Variants in SYT14 observed in about 807,000 individuals in gnomAD.
SYT14 encodes the protein synaptotagmin 14.
Under a neutral mutation model 74.2 loss-of-function variants are expected in SYT14, and 32 were observed. The ratio of observed to expected loss-of-function variants is 0.43; its 90% CI spans 0.33 to 0.58. SYT14 has a LOEUF of 0.58. Ranked by LOEUF, SYT14 falls within the 20% of genes least tolerant of loss-of-function variation. The probability of loss-of-function intolerance (pLI) is 0.05; values close to 1 mark genes in which losing one functional copy is unlikely to be tolerated. For missense variants in SYT14, 791 were observed against 981.8 expected (o/e 0.81, Z 2.60); for synonymous variants, 298 against 337.7 (o/e 0.88, Z 1.29).
rs917709487 is a variant in SYT14 at position 210,086,860 on chromosome 1, TTA to T, written c.1313-7461_1313-7460del. ...CCAATCCAACACCACAGAATTTGTT[TTA>T]GTTTTTTCTTTTTTCATATTTGTAA... On this transcript the variant is annotated intron_variant, in intron 5 of 9. Coordinates refer to ENST00000637265, the Ensembl canonical transcript of SYT14. 6.8e-4 allele frequency among the ~76,000 whole-genome samples: 103 copies of T among 152,344 alleles called. 1 individual carries two copies. The highest frequency in any genetic ancestry group is 2.5e-3 in the African/African-American group (102 of 41,576).
chr1:210,024,356 TAAAG>T lies in SYT14; in HGVS notation c.1312+3103_1312+3106del, dbSNP rs2080365650. Reference sequence around the variant, plus strand: ...TGAATTACAGTAGTGGCAATAGAAATAAAGGAAGATAGGAGAGAGATTATTGAGG... The same window carrying T: ...TGAATTACAGTAGTGGCAATAGAAATGAAGATAGGAGAGAGATTATTGAGG... On this transcript the variant is annotated intron_variant, in intron 5 of 9. Transcript: ENST00000637265. 2.6e-5 allele frequency among the ~76,000 whole-genome samples: 4 copies of T among 152,102 alleles called. 1 individual carries two copies. The highest frequency in any genetic ancestry group is 2.0e-4 in the Admixed American group (3 of 15,266).
intron 2 of SYT14, among the ~76,000 whole-genome samples, chr1:209,959,217 A>T (rs575815694): frequency 6.6e-6 from 1 of 152,180 alleles, no homozygotes; most frequent in East Asian, 1.9e-4. Context: ...ATCTCAGCTC[A>T]CTACAACCTC....
intron 7 of SYT14, among the ~76,000 whole-genome samples, chr1:210,110,599 A>G (rs780294892): frequency 1.1e-4 from 17 of 152,224 alleles, no homozygotes; most frequent in Non-Finnish European, 2.4e-4. Flanking sequence ...TTAAAGTTCT[A>G]GAAGAGTTTA....
chr1:209,945,926 C>A (rs1172311471), intron 1 of SYT14, among the ~76,000 whole-genome samples: 1 of 152,136 alleles, frequency 6.6e-6, no homozygotes, highest in African/African-American at 2.4e-5. Flanking sequence ...ATTTTTTCAA[C>A]AGCATGTGCT....
At chr1:210,035,803 T>A (rs899233000) in intron 5 of SYT14, among the ~76,000 whole-genome samples, 1 of 151,914 alleles carries the variant, frequency 6.6e-6, no homozygotes, top group Admixed American at 6.6e-5. Flanking sequence ...GTTTTGGTTA[T>A]TATAGCCTTA....
chr1:210,099,445 T>C (rs1334569), intron 6 of SYT14, among the ~76,000 whole-genome samples: 88,991 of 152,052 alleles, frequency 0.59, 26,557 homozygotes, highest in African/African-American at 0.68. Flanking sequence ...AAGTAAATAT[T>C]TGACCGCTAA....
chr1:210,045,151 C>G (rs937593368), intron 5 of SYT14, among the ~76,000 whole-genome samples: 3 of 152,104 alleles, frequency 2.0e-5, no homozygotes, highest in Admixed American at 6.6e-5. Context: ...TCATTTCATT[C>G]GGTGCTATAC....
rs762088012 is a variant in SYT14, at chr1:210,021,272, AT to A, written c.1312+26del. Reference sequence around the variant, plus strand: ...AGATGAAGGTAAGATGGGCTGTTTTATTTTTTTTACATGACACACTATAGTA... The same window carrying A: ...AGATGAAGGTAAGATGGGCTGTTTTATTTTTTTACATGACACACTATAGTA... On this transcript the variant is annotated intron_variant, in intron 5 of 9. Transcript: ENST00000637265. 2.6e-5 allele frequency: 42 copies of A among 1,602,624 alleles called. No homozygotes were observed. The highest frequency in any genetic ancestry group is 3.4e-5 in the Non-Finnish European group (40 of 1,170,240).
chr1:209,955,366 T>G (rs2078976977), intron 2 of SYT14, among the ~76,000 whole-genome samples: 1 of 152,238 alleles, frequency 6.6e-6, no homozygotes, highest in Non-Finnish European at 1.5e-5. Context: ...AATAGCACTG[T>G]CTACCCAGTT....
At chr1:209,965,712 G>A (rs1292508580) in intron 2 of SYT14, among the ~76,000 whole-genome samples, 1 of 152,018 alleles carries the variant, frequency 6.6e-6, no homozygotes, top group Non-Finnish European at 1.5e-5. Context: ...GACATTTTGA[G>A]TTAGTTTTTA....
intron 5 of SYT14, among the ~76,000 whole-genome samples, chr1:210,083,110 A>G (rs765051157): frequency 1.9e-4 from 25 of 131,176 alleles, no homozygotes; most frequent in Admixed American, 7.2e-5. Flanking sequence ...CCTCCCAAGT[A>G]GTTGGGATTG....
chr1:209,956,223 ATAAT>A (rs975792699), intron 2 of SYT14, among the ~76,000 whole-genome samples: 2 of 152,184 alleles, frequency 1.3e-5, no homozygotes, highest in Non-Finnish European at 1.5e-5. Flanking sequence ...TCCCTAGGAA[ATAAT>A]TAGTCAATAT....
intron 5 of SYT14, among the ~76,000 whole-genome samples, chr1:210,025,732 A>G (rs1164604829): frequency 6.6e-6 from 1 of 152,122 alleles, no homozygotes; most frequent in Non-Finnish European, 1.5e-5. Context: ...TACGTGCCTC[A>G]GTCTGTTTCT....
chr1:210,163,696 T>C (rs575208322), exon 10 of SYT14: 7 of 453,790 alleles, frequency 1.5e-5, no homozygotes, highest in Admixed American at 7.0e-5. Context: ...ACACAACTTA[T>C]AATAATTACT....
At chr1:210,078,503 T>C (rs2081556151) in intron 5 of SYT14, among the ~76,000 whole-genome samples, 1 of 152,012 alleles carries the variant, frequency 6.6e-6, no homozygotes, top group Non-Finnish European at 1.5e-5. Context: ...TTATAAAATA[T>C]GGTTATTGCA....
chr1:210,099,051 G>C (rs529580020), intron 6 of SYT14, among the ~76,000 whole-genome samples: 2 of 152,266 alleles, frequency 1.3e-5, no homozygotes, highest in East Asian at 3.9e-4. Context: ...AGATTCAGTA[G>C]TATTCACTGC....
chr1:210,139,888 AT>A (rs1009606416), intron 7 of SYT14, among the ~76,000 whole-genome samples: 1 of 152,114 alleles, frequency 6.6e-6, no homozygotes, highest in African/African-American at 2.4e-5. Flanking sequence ...ATTCATTGAC[AT>A]TTGGGTTGTT....
At chr1:210,148,090 CA>C (rs5780558) in intron 7 of SYT14, among the ~76,000 whole-genome samples, 3 of 151,758 alleles carry the variant, frequency 2.0e-5, no homozygotes, top group East Asian at 1.9e-4. Flanking sequence ...CTCACACAAA[CA>C]AAAAAAACTT....
chr1:210,109,645 TAAG>T (rs2082224574), intron 7 of SYT14, among the ~76,000 whole-genome samples: 1 of 150,188 alleles, frequency 6.7e-6, no homozygotes, highest in African/African-American at 2.4e-5. Flanking sequence ...GCTAGAGAAA[TAAG>T]AATGCTTTTA....
Sources: allele counts gnomAD v4.1 joint callset (sites outside exome capture counted in the v4.1 genomes callset), GRCh38; gene constraint gnomAD v4.1.1; transcripts MANE v1.5; gene names NCBI Gene and HGNC (gene_info 2026-07-23, HGNC 2026-07-21).